HSPA9: variants seen among roughly 807,000 people sequenced by gnomAD.
HSPA9 encodes the protein heat shock protein family A (Hsp70) member 9.
HSPA9 carries 28 observed loss-of-function variants against 81.5 expected under a neutral mutation model. The observed-to-expected ratio is 0.34, with a 90% CI of 0.25 to 0.47. The LOEUF (loss-of-function observed/expected upper bound fraction) is 0.47, where lower values mean the gene tolerates loss of function less well. HSPA9 is among the 20% of genes least tolerant of loss of function. HSPA9 has a pLI of 1.00. For missense variants in HSPA9, 678 were observed against 838.0 expected, an observed-to-expected ratio of 0.81 and a Z score of 2.36; for synonymous variants, 293 against 290.4, an observed-to-expected ratio of 1.01 and a Z score of -0.09.
At chr5:138,574,847 G>GT (rs2127164074) in intron 1 of HSPA9, 1 of 209,210 alleles carries the variant, frequency 4.8e-6, no homozygotes, top group Non-Finnish European at 9.6e-6. Context: ...TTATTTCACC[G>GT]TATCAACGGG....
chr5:138,574,799 G>A (rs1751047551), intron 1 of HSPA9: 1 of 179,852 alleles, frequency 5.6e-6, no homozygotes, highest in Non-Finnish European at 1.2e-5. Flanking sequence ...ATGTTGCTAA[G>A]CACGAAAACT....
chr5:138,569,166 A>AT, intron 4 of HSPA9, 117 bp from the exon 5 acceptor site: 1 of 918,662 alleles, frequency 1.1e-6, no homozygotes, highest in Non-Finnish European at 1.8e-6. Flanking sequence ...TGGCCAACAA[A>AT]TGACAGTTTG....
Position 138,558,651 on chromosome 5 carries a change from A to C in HSPA9, c.1417T>G (p.Ser473Ala). 1 of 1,606,204 alleles carries C rather than the reference A, an allele frequency of 6.2e-7. No individual in the cohort carries two copies. The change falls in exon 12 of 17, where the codon TCT (serine) becomes GCT (alanine). Residue 473 changes from serine to alanine, a missense_variant. By Grantham distance (99) the Ser-to-Ala change is moderately conservative (BLOSUM62 1). Around this residue, in one of 4 missense-constraint regions of HSPA9, gnomAD observed 484 missense variants for 647.5 expected, o/e 0.75. Coordinates refer to ENST00000297185, the MANE Select transcript of HSPA9 (RefSeq NM_004134.7). ...TGCGTTTGACCATCAGCGGCAGTAG[A>C]GAATACCTAGGGAAGAAGAAACCCT... is the stretch of plus-strand genomic sequence containing the variant. ...TIPTKKSQVF[S>A]TAADGQTQVE...
At chr5:138,574,409 A>G (rs1452432568) in intron 1 of HSPA9, among the ~76,000 whole-genome samples, 1 of 152,152 alleles carries the variant, frequency 6.6e-6, no homozygotes, top group Non-Finnish European at 1.5e-5. Context: ...TGGCCTCGAC[A>G]CCCTAGAAAC....
In HSPA9 at chr5:138,567,742, A is replaced by C; in HGVS notation, c.536-20T>G. 1.9e-6 allele frequency: 3 copies of C among 1,572,990 alleles called. No individual in the cohort carries two copies. Among genetic ancestry groups the C allele is most frequent in the Non-Finnish European group, 2.6e-6 (3 of 1,143,596 alleles). On this transcript the variant is annotated intron_variant, in intron 5 of 16. Transcript: ENST00000297185. ...AATTTTCTGGAAAAGAATGAAATTC[A>C]ATCATGGAATTCTGTCAGAACAGAA...
At chr5:138,571,834 G>GTGTGTGTGTA (rs1410593306) in intron 3 of HSPA9, among the ~76,000 whole-genome samples, 1 of 150,096 alleles carries the variant, frequency 6.7e-6, no homozygotes, top group Non-Finnish European at 1.5e-5. Context: ...GTGTGTGTGT[G>GTGTGTGTGTA]TACTTTTAGT....
intron 9 of HSPA9, 109 bp from the exon 10 acceptor site, chr5:138,561,898 CAA>C: frequency 8.1e-6 from 7 of 859,694 alleles, no homozygotes; most frequent in African/African-American, 1.7e-5. Flanking sequence ...CTTGCAAAAC[CAA>C]AGGGAGGGTG....
rs1750617884 is a variant in HSPA9 at position 138,559,978 on chromosome 5, G to A, written c.1296C>T (p.Val432=). 1 of 1,614,116 alleles carries A rather than the reference G, an allele frequency of 6.2e-7. No homozygotes were observed. Among genetic ancestry groups the A allele is most frequent in the Non-Finnish European group, 8.5e-7 (1 of 1,179,998 alleles). Residue 432 remains valine, a synonymous_variant, in exon 11 of 17, where the codon GTC becomes GTT. Coordinates refer to ENST00000297185, the MANE Select transcript of HSPA9 (RefSeq NM_004134.7). ...TGACATCAAGGAGCAGCACATCCGT[G>A]ACATCGCCGGCCAACACACCTCCCT... The part of the protein sequence containing the change: ...AIQGGVLAGD[V]TDVLLLDVTP...
chr5:138,567,431 G>A (rs1269368608), intron 7 of HSPA9, 24 bp downstream of exon 7: 3 of 1,563,718 alleles, frequency 1.9e-6, no homozygotes, highest in East Asian at 2.2e-5. Flanking sequence ...ACATCCAGGT[G>A]AGAAATTTAC....
At chr5:138,556,377 A>G (rs1750519725) in intron 16 of HSPA9, 75 bp downstream of exon 16, 8 of 1,523,506 alleles carry the variant, frequency 5.3e-6, no homozygotes, top group Non-Finnish European at 7.2e-6. Context: ...CTATGGAGGG[A>G]GCCACCAGTG....
Position 138,560,064 on chromosome 5 carries a change from C to G in HSPA9, c.1210G>C (p.Gly404Arg), listed in dbSNP as rs1247007610. ...KVQQTVQDLF[G>R]RAPSKAVNPD... ...TTGACAGCTTTACTTGGGGCTCTGC[C>G]AAAAAGATCCTGTACAGTCTGCTGA... The change falls in exon 11 of 17, where the codon GGC (glycine) becomes CGC (arginine). Residue 404 changes from glycine to arginine, a missense_variant. This residue lies in a region of HSPA9 where 484 missense variants were observed against 647.5 expected (regional missense o/e 0.75). Transcript: ENST00000297185. 1 of 1,614,028 alleles carries G rather than the reference C, an allele frequency of 6.2e-7. No individual in the cohort carries two copies. Among genetic ancestry groups the G allele is most frequent in the Non-Finnish European group, 8.5e-7 (1 of 1,179,990 alleles).
At position 138,566,706 on chromosome 5, in the gene HSPA9, A is replaced by G; in HGVS notation, c.892T>C (p.Leu298=). Residue 298 remains leucine, a synonymous_variant, in exon 9 of 17, where the codon TTG becomes CTG. Coordinates refer to ENST00000297185, the MANE Select transcript of HSPA9 (RefSeq NM_004134.7). The stretch of plus-strand genomic sequence containing the variant: ...TGAAGTGCCATGTTGTCTTTAGTCA[A>G]ATCAACCCCTGTCTATAAAGTGAAG... The part of the protein sequence containing the change: ...KEFKRETGVD[L]TKDNMALQRV... 6.2e-7 allele frequency: 1 copy of G among 1,613,542 alleles called. No individual in the cohort carries two copies. Among genetic ancestry groups the G allele is most frequent in the Non-Finnish European group, 8.5e-7 (1 of 1,179,476 alleles).
chr5:138,574,760 T>G, intron 1 of HSPA9: 1 of 167,970 alleles, frequency 6.0e-6, no homozygotes, highest in Non-Finnish European at 1.3e-5. Context: ...AACAAACGAG[T>G]ACAATCTTAC....
At chr5:138,558,707 AT>A in intron 11 of HSPA9, 50 bp from the exon 12 acceptor site, 1 of 1,128,710 alleles carries the variant, frequency 8.9e-7, no homozygotes, top group Non-Finnish European at 1.4e-6. Context: ...AACCTACTCC[AT>A]TTCTATAGAA....
intron 1 of HSPA9, among the ~76,000 whole-genome samples, chr5:138,574,558 A>G (rs2127163860): frequency 6.6e-6 from 1 of 152,368 alleles, no homozygotes; most frequent in Middle Eastern, 3.4e-3. Context: ...TCTTTGAAAG[A>G]AAAAAGAAAA....
intron 11 of HSPA9, 59 bp downstream of exon 11, chr5:138,559,805 A>G (rs1000522964): frequency 2.6e-6 from 3 of 1,157,856 alleles, no homozygotes; most frequent in Non-Finnish European, 3.9e-6. Context: ...AGTGGCTGCA[A>G]TTACATCCGT....
At position 138,566,981 on chromosome 5, in the gene HSPA9, T is replaced by G. The variant is rs748380306; in HGVS notation, c.879+20A>C. On this transcript the variant is annotated intron_variant, in intron 8 of 16. Coordinates refer to ENST00000297185, the MANE Select transcript of HSPA9 (RefSeq NM_004134.7). ...TCTCAATATCCCAACGTCTACATAT[T>G]AACCACATTGGTAACTCACCTCTCT... is the stretch of plus-strand genomic sequence containing the variant. 1 of 1,584,108 alleles carries G rather than the reference T, an allele frequency of 6.3e-7. No homozygotes were observed. Among genetic ancestry groups the G allele is most frequent in the Non-Finnish European group, 8.7e-7 (1 of 1,154,002 alleles).
chr5:138,570,980 A>C lies in HSPA9; in HGVS notation c.390T>G (p.Asp130Glu). 1.2e-6 allele frequency: 2 copies of C among 1,614,162 alleles called. No individual in the cohort carries two copies. Among genetic ancestry groups the C allele is most frequent in the Non-Finnish European group, 1.7e-6 (2 of 1,180,026 alleles). ...TKRLIGRRYD[D>E]PEVQKDIKNV... The stretch of plus-strand genomic sequence containing the variant: ...CTCACATGTCTTTCTGTACTTCAGG[A>C]TCATCATATCGCCGGCCAATGAGAC... Residue 130 changes from aspartate (D) to glutamate (E), a missense_variant, in exon 4 of 17, where the codon GAT becomes GAG. Physicochemically the swap from Asp to Glu is conservative, Grantham distance 45. Transcript: ENST00000297185.
intron 3 of HSPA9, 142 bp from the exon 4 acceptor site, chr5:138,571,283 C>G: frequency 1.2e-6 from 1 of 813,120 alleles, no homozygotes; most frequent in Non-Finnish European, 2.0e-6. Flanking sequence ...TGGGTTCAAG[C>G]GATTCTTCTG....
Sources: gnomAD v4.1 joint callset for allele counts (sites outside exome capture counted in the v4.1 genomes callset) on GRCh38, gnomAD v4.1.1 for gene constraint, gnomAD v4.1.1 regional missense constraint, MANE v1.5 for transcripts, NCBI Gene and HGNC (gene_info 2026-07-23, HGNC 2026-07-21) for gene names.